PIK3R3: variants seen among roughly 807,000 people sequenced by gnomAD.
PIK3R3 encodes phosphatidylinositol 3-kinase regulatory subunit gamma.
Under a neutral mutation model 62.9 loss-of-function variants are expected in PIK3R3, and 64 were observed. That is an observed-to-expected ratio of 1.02 (90% CI 0.83 to 1.25). The LOEUF (loss-of-function observed/expected upper bound fraction) is 1.25, where lower values mean the gene tolerates loss of function less well. PIK3R3 is among the 50% of genes most tolerant of loss of function. The pLI is 0.00. For missense variants in PIK3R3, 614 were observed against 561.6 expected (o/e 1.09, Z -0.94); for synonymous variants, 165 against 189.0 (o/e 0.87, Z 1.04).
intron 1 of PIK3R3, among the ~76,000 whole-genome samples, chr1:46,093,723 C>G (rs1246495239): frequency 6.6e-6 from 1 of 151,892 alleles, no homozygotes; most frequent in East Asian, 1.9e-4. Flanking sequence ...TGCGTGGTGG[C>G]AGGTGCCTGT....
At chr1:46,156,351 TC>T in the PIK3R3 span, among the ~76,000 whole-genome samples, 1 of 150,020 alleles carries the variant, frequency 6.7e-6, no homozygotes, top group Non-Finnish European at 1.5e-5. Flanking sequence ...TCCCAGCTAC[TC>T]CCAGAGGCAG....
chr1:46,114,803 C>CA (rs1418147884), intron 1 of PIK3R3, among the ~76,000 whole-genome samples: 1 of 125,172 alleles, frequency 8.0e-6, no homozygotes, highest in Non-Finnish European at 1.6e-5. Flanking sequence ...TTGGTAGAGA[C>CA]AGAGTTTCAC....
chr1:46,144,580 C>T, the PIK3R3 span, among the ~76,000 whole-genome samples: 1 of 152,044 alleles, frequency 6.6e-6, no homozygotes, highest in Non-Finnish European at 1.5e-5. Flanking sequence ...CCATCCTCGC[C>T]ATCGTGGTGA....
intron 1 of PIK3R3, among the ~76,000 whole-genome samples, chr1:46,089,303 T>C (rs1651383454): frequency 1.3e-5 from 2 of 152,174 alleles, no homozygotes; most frequent in Non-Finnish European, 2.9e-5. Flanking sequence ...AGAGGGTATG[T>C]TTAAGAAAAG....
intron 1 of PIK3R3, among the ~76,000 whole-genome samples, chr1:46,111,228 T>C (rs1653715276): frequency 6.6e-6 from 1 of 152,150 alleles, no homozygotes; most frequent in African/African-American, 2.4e-5. Context: ...TTAAAAATCC[T>C]TGTGAATTAA....
At chr1:46,078,057 T>C (rs1204318134) in intron 2 of PIK3R3, among the ~76,000 whole-genome samples, 1 of 152,202 alleles carries the variant, frequency 6.6e-6, no homozygotes, top group African/African-American at 2.4e-5. Flanking sequence ...GTCTCCTAGT[T>C]TGAATTTGTC....
chr1:46,086,182 A>G (rs1394992496), intron 1 of PIK3R3, among the ~76,000 whole-genome samples: 1 of 152,252 alleles, frequency 6.6e-6, no homozygotes. Flanking sequence ...ATGTGTGCAT[A>G]GAAACATATG....
chr1:46,103,306 C>T (rs1457796715), intron 1 of PIK3R3, among the ~76,000 whole-genome samples: 1 of 152,092 alleles, frequency 6.6e-6, no homozygotes, highest in Non-Finnish European at 1.5e-5. Flanking sequence ...GGGCCAGGCA[C>T]GGTGACTCAC....
the PIK3R3 span, among the ~76,000 whole-genome samples, chr1:46,169,990 C>T: frequency 1.3e-5 from 2 of 152,160 alleles, no homozygotes; most frequent in Admixed American, 6.5e-5. Context: ...CCACAGGGTC[C>T]TCTATCAGGG....
chr1:46,171,977 C>T, the PIK3R3 span, among the ~76,000 whole-genome samples: 7 of 152,110 alleles, frequency 4.6e-5, no homozygotes, highest in African/African-American at 1.7e-4. Flanking sequence ...CAGCCTGGAC[C>T]TTCTTCCAGT....
chr1:46,162,764 G>A, the PIK3R3 span, among the ~76,000 whole-genome samples: 3 of 152,164 alleles, frequency 2.0e-5, no homozygotes, highest in Non-Finnish European at 4.4e-5. Flanking sequence ...TGGGATTACA[G>A]GCGTGCACCA....
At chr1:46,109,187 T>C (rs1388316396) in intron 1 of PIK3R3, among the ~76,000 whole-genome samples, 3 of 150,874 alleles carry the variant, frequency 2.0e-5, no homozygotes, top group Admixed American at 6.6e-5. Flanking sequence ...AAAAAAATTA[T>C]GTTTCTCTGC....
At chr1:46,136,453 T>A (rs1655935250), upstream of PIK3R3, among the ~76,000 whole-genome samples, 1 of 152,244 alleles carries the variant, frequency 6.6e-6, no homozygotes, top group Admixed American at 6.5e-5. Flanking sequence ...ATCGTGATTT[T>A]CCATTTTTTC....
At position 46,042,664 on chromosome 1, in the gene PIK3R3, T is replaced by C. The variant is rs1647017591; in HGVS notation, c.*1009A>G. On this transcript the variant is annotated 3_prime_UTR_variant, in exon 10 of 10. Coordinates refer to ENST00000262741, the MANE Select transcript of PIK3R3 (RefSeq NM_003629.4). The surrounding 1 kb of genome is among the most constrained non-coding windows in gnomAD (Gnocchi z 4.3). ...ATAATAATGTTGTTCTATATTGTTATTTGGTATATCAAGCCATCTAAAAGC... is the reference window on the plus strand; with the variant it reads ...ATAATAATGTTGTTCTATATTGTTACTTGGTATATCAAGCCATCTAAAAGC... 4.6e-6 allele frequency: 1 copy of C among 219,756 alleles called. No individual in the cohort carries two copies. Among genetic ancestry groups the C allele is most frequent in the Admixed American group, 5.8e-5 (1 of 17,330 alleles). The allele number at this position is 219,756 out of a possible 1,614,324, so 13.6% of individuals were successfully genotyped here.
At chr1:46,102,859 T>C (rs528630243) in intron 1 of PIK3R3, among the ~76,000 whole-genome samples, 1 of 136,210 alleles carries the variant, frequency 7.3e-6, no homozygotes, top group African/African-American at 2.8e-5. Flanking sequence ...AAAGAGACAT[T>C]ATAGTAGCAG....
At chr1:46,045,888 C>G (rs755978273) in intron 9 of PIK3R3, 30 bp downstream of exon 9, 2 of 1,579,456 alleles carry the variant, frequency 1.3e-6, no homozygotes, top group Non-Finnish European at 1.7e-6. Context: ...CAAAAGATTT[C>G]AAAAGGTTAT....
intron 1 of PIK3R3, among the ~76,000 whole-genome samples, chr1:46,113,834 C>G (rs1266483918): frequency 6.6e-6 from 1 of 152,096 alleles, no homozygotes; most frequent in East Asian, 1.9e-4. Context: ...AGTCCTTATC[C>G]TGATGGAATT....
At chr1:46,162,782 C>T in the PIK3R3 span, among the ~76,000 whole-genome samples, 219 of 152,110 alleles carry the variant, frequency 1.4e-3, 5 homozygotes, top group South Asian at 0.035. Flanking sequence ...CCACCACACC[C>T]GGCTAATATT....
At chr1:46,123,741 A>G (rs1344732477) in intron 1 of PIK3R3, among the ~76,000 whole-genome samples, 1 of 152,186 alleles carries the variant, frequency 6.6e-6, no homozygotes. Context: ...CTGTCTGTAG[A>G]GTGGGATAAT....
Sources: allele counts gnomAD v4.1 joint callset (sites outside exome capture counted in the v4.1 genomes callset), GRCh38; gene constraint gnomAD v4.1.1; non-coding constraint Gnocchi (gnomAD v3.1); transcripts MANE v1.5; gene names NCBI Gene and HGNC (gene_info 2026-07-23, HGNC 2026-07-21).